THRB: variants seen among roughly 807,000 people sequenced by gnomAD.
The protein encoded by THRB is nuclear receptor subfamily 1 group A member 2.
THRB carries 12 observed loss-of-function variants against 47.8 expected under a neutral mutation model. The observed-to-expected ratio is 0.25, with a 90% CI of 0.16 to 0.41. The LOEUF (loss-of-function observed/expected upper bound fraction) is 0.41. THRB is among the 10% of genes least tolerant of loss of function. The pLI, the probability that THRB is intolerant of heterozygous loss-of-function variation, is 1.00. For missense variants in THRB, 348 were observed against 589.2 expected (o/e 0.59, Z 4.24); for synonymous variants, 218 against 212.2 (o/e 1.03, Z -0.24).
chr3:24,475,584 G>A (rs901703691), intron 1 of THRB, among the ~76,000 whole-genome samples: 2 of 152,154 alleles, frequency 1.3e-5, no homozygotes, highest in Non-Finnish European at 2.9e-5. Flanking sequence ...CCATGCACTA[G>A]CAAGAAGATG....
chr3:24,379,818 T>C (rs1379292109), intron 1 of THRB, among the ~76,000 whole-genome samples: 2 of 152,066 alleles, frequency 1.3e-5, no homozygotes, highest in East Asian at 3.9e-4. Flanking sequence ...TAAACCCTGT[T>C]ACTTCCAGGT....
At chr3:24,144,860 T>C (rs561037500) in intron 7 of THRB, 1 of 152,062 alleles carries the variant, frequency 6.6e-6, no homozygotes, top group African/African-American at 2.4e-5. Context: ...TTCTACGACA[T>C]CACTGTCCTA....
chr3:24,446,850 C>T (rs1025358744), intron 1 of THRB, among the ~76,000 whole-genome samples: 1 of 152,160 alleles, frequency 6.6e-6, no homozygotes, highest in Non-Finnish European at 1.5e-5. Context: ...AATACTTACA[C>T]ATGTGATTGA....
intron 1 of THRB, among the ~76,000 whole-genome samples, chr3:24,365,160 G>T (rs1338758788): frequency 6.6e-6 from 1 of 152,048 alleles, no homozygotes; most frequent in African/African-American, 2.4e-5. Context: ...TTCTTATCCA[G>T]GAACATAATT....
intron 1 of THRB, among the ~76,000 whole-genome samples, chr3:24,399,597 G>A (rs897713679): frequency 1.3e-5 from 2 of 152,044 alleles, no homozygotes; most frequent in Non-Finnish European, 2.9e-5. Context: ...AACAAATAAG[G>A]AAGGCACGGG....
intron 1 of THRB, among the ~76,000 whole-genome samples, chr3:24,433,262 T>C (rs1370480364): frequency 6.6e-6 from 1 of 152,158 alleles, no homozygotes; most frequent in Admixed American, 6.6e-5. Context: ...AAAGGGACTT[T>C]GCAAATGTAG....
At chr3:24,339,112 T>A (rs925556190) in intron 1 of THRB, among the ~76,000 whole-genome samples, 16 of 152,304 alleles carry the variant, frequency 1.1e-4, no homozygotes, top group African/African-American at 3.8e-4. Context: ...GACATTAATA[T>A]ATAAATACAA....
rs181418514 is a variant in THRB at position 24,313,946 on chromosome 3, T to C, written c.-188-16575A>G. ...ATGCTGTCTATAATATTCTTAACAG[T>C]AAAAAGGGAACATAATCATGAAGAA... On this transcript the variant is annotated intron_variant, in intron 2 of 10. Transcript: ENST00000646209. Among the ~76,000 whole-genome samples the C allele has an allele frequency of 2.0e-5, 3 of 152,302 alleles. No homozygotes were observed. The East Asian group carries it at 5.8e-4, about 29-fold the overall frequency.
At chr3:24,410,968 C>T (rs895379493) in intron 1 of THRB, among the ~76,000 whole-genome samples, 1 of 151,708 alleles carries the variant, frequency 6.6e-6, no homozygotes, top group Non-Finnish European at 1.5e-5. Flanking sequence ...AGAGATATGA[C>T]CTTTACTTGT....
intron 1 of THRB, chr3:24,429,971 A>T (rs966636826): frequency 6.6e-6 from 1 of 152,106 alleles, no homozygotes; most frequent in Non-Finnish European, 1.5e-5. Context: ...GTTGAAAAAA[A>T]AATTGTCAGT....
At chr3:24,451,510 CAGGCGTGA>C (rs2125536472) in intron 1 of THRB, among the ~76,000 whole-genome samples, 1 of 152,306 alleles carries the variant, frequency 6.6e-6, no homozygotes, top group East Asian at 1.9e-4. Context: ...TCTGGGATTA[CAGGCGTGA>C]GCCACCACGC....
At chr3:24,322,978 T>C (rs1276821624) in intron 2 of THRB, among the ~76,000 whole-genome samples, 1 of 152,182 alleles carries the variant, frequency 6.6e-6, no homozygotes, top group African/African-American at 2.4e-5. Flanking sequence ...ATGAGTGAAT[T>C]TGGCCATAAG....
At chr3:24,229,518 T>A (rs1489403084) in intron 3 of THRB, among the ~76,000 whole-genome samples, 4 of 152,206 alleles carry the variant, frequency 2.6e-5, no homozygotes, top group Admixed American at 2.6e-4. Flanking sequence ...TGAATCCATA[T>A]TCTCATCTGC....
intron 3 of THRB, among the ~76,000 whole-genome samples, chr3:24,274,596 G>C (rs933145268): frequency 6.6e-6 from 1 of 151,208 alleles, no homozygotes; most frequent in Admixed American, 6.6e-5. Flanking sequence ...TCTCTTTCTT[G>C]TCTATTTCTT....
rs148532912 is a variant in THRB, at chr3:24,206,972, A to G, written c.23-16638T>C. ...GGAAGTTGAATCCCTGAATAGACCA[A>G]TAACAGGCTCTGAAATTGAGGCAAT... On this transcript the variant is annotated intron_variant, in intron 4 of 10. Coordinates refer to ENST00000646209, the MANE Select transcript of THRB (RefSeq NM_001354712.2). Among the ~76,000 whole-genome samples, 880 of 152,314 alleles carry G rather than the reference A, an allele frequency of 5.8e-3. 9 individuals carry two copies. The highest frequency in any genetic ancestry group is 0.042 in the South Asian group (204 of 4,828).
chr3:24,123,700 T>C (rs1022979472), intron 10 of THRB, among the ~76,000 whole-genome samples: 4 of 152,128 alleles, frequency 2.6e-5, no homozygotes, highest in Admixed American at 2.0e-4. Flanking sequence ...TTTAGTAAAA[T>C]TGCTACCAGT....
intron 4 of THRB, among the ~76,000 whole-genome samples, chr3:24,213,304 C>A (rs1420997064): frequency 6.6e-6 from 1 of 152,138 alleles, no homozygotes; most frequent in Non-Finnish European, 1.5e-5. Context: ...ATGGAAAATT[C>A]TTGAGAAGGG....
intron 2 of THRB, among the ~76,000 whole-genome samples, chr3:24,307,005 A>G (rs757045306): frequency 2.0e-5 from 3 of 151,898 alleles, no homozygotes; most frequent in Non-Finnish European, 4.4e-5. Context: ...TCTCAAAATA[A>G]AAAAATGAAT....
At chr3:24,184,822 A>G (rs148303651) in intron 5 of THRB, among the ~76,000 whole-genome samples, 129 of 152,322 alleles carry the variant, frequency 8.5e-4, no homozygotes, top group African/African-American at 2.6e-3. Flanking sequence ...AGATGGTAGT[A>G]CTGGCGGAAG....
Sources: allele counts gnomAD v4.1 joint callset (sites outside exome capture counted in the v4.1 genomes callset), GRCh38; gene constraint gnomAD v4.1.1; transcripts MANE v1.5; gene names NCBI Gene and HGNC (gene_info 2026-07-23, HGNC 2026-07-21).